Variants in TSPAN3 observed in about 807,000 individuals in gnomAD.
TSPAN3 encodes the protein tetraspanin 3.
A neutral mutation model predicts 31.1 loss-of-function variants in TSPAN3; 9 were observed. That is an observed-to-expected ratio of 0.29 (90% CI 0.17 to 0.50). The LOEUF (loss-of-function observed/expected upper bound fraction) is 0.50. Ranked by LOEUF, TSPAN3 falls within the 20% of genes least tolerant of loss-of-function variation. The probability of loss-of-function intolerance (pLI) is 0.98; values close to 1 mark genes in which losing one functional copy is unlikely to be tolerated. For synonymous variants in TSPAN3, 129 were observed against 114.3 expected (o/e 1.13, Z -0.82); for missense variants, 252 against 313.5 (o/e 0.80, Z 1.48).
At chr15:77,056,038 C>A in intron 2 of TSPAN3, 26 bp downstream of exon 2, 1 of 1,582,006 alleles carries the variant, frequency 6.3e-7, no homozygotes, top group Non-Finnish European at 8.6e-7. Context: ...CTAAATACTC[C>A]TGCATGTTCT....
Position 77,046,043 on chromosome 15 carries a change from G to C in TSPAN3, c.*792C>G, listed in dbSNP as rs1351361588. The C allele has an allele frequency of 1.1e-5, 2 of 179,344 alleles. No individual in the cohort carries two copies. Among genetic ancestry groups the C allele is most frequent in the Non-Finnish European group, 2.3e-5 (2 of 86,432 alleles). 11.1% of individuals were successfully genotyped at this position (179,344 alleles called of 1,614,324 possible). On this transcript the variant is annotated 3_prime_UTR_variant, in exon 7 of 7. Transcript: ENST00000267970. ...AAATAATATGTTGGGGGCTGATACAGAGTTTATTGAATTAGATTTTTCTAT... is the reference window on the plus strand; with the variant it reads ...AAATAATATGTTGGGGGCTGATACACAGTTTATTGAATTAGATTTTTCTAT...
chr15:77,065,104 C>T (rs1449823179), intron 1 of TSPAN3, among the ~76,000 whole-genome samples: 1 of 152,216 alleles, frequency 6.6e-6, no homozygotes, highest in Non-Finnish European at 1.5e-5. Context: ...TCCCCCCAGT[C>T]TCCCAATCTC....
chr15:77,063,996 C>T (rs1231743792), intron 1 of TSPAN3: 1 of 152,166 alleles, frequency 6.6e-6, no homozygotes, highest in Non-Finnish European at 1.5e-5. Flanking sequence ...AGAGTTCATC[C>T]ACACTTGGGT....
chr15:77,071,033 C>T lies in TSPAN3; in HGVS notation c.-79G>A. 1 of 1,099,388 alleles carries T rather than the reference C, an allele frequency of 9.1e-7. No individual in the cohort carries two copies. The highest frequency in any genetic ancestry group is 1.2e-6 in the Non-Finnish European group (1 of 839,944). 68.1% of individuals were successfully genotyped at this position (1,099,388 alleles called of 1,614,324 possible). On this transcript the variant is annotated 5_prime_UTR_variant, in exon 1 of 7. Coordinates refer to ENST00000267970, the MANE Select transcript of TSPAN3 (RefSeq NM_005724.6). ...GAGAGCGGCAATGGCGGCGGCGCCT[C>T]CTCGCTAGGAACTGCACGGCCTGCG...
chr15:77,058,129 T>C (rs1276844760), intron 1 of TSPAN3, among the ~76,000 whole-genome samples: 2 of 152,188 alleles, frequency 1.3e-5, no homozygotes, highest in East Asian at 1.9e-4. Context: ...TTGGGCCTTA[T>C]CTTATCCCCC....
At chr15:77,050,112 C>A (rs540740682) in intron 6 of TSPAN3, among the ~76,000 whole-genome samples, 4 of 152,202 alleles carry the variant, frequency 2.6e-5, no homozygotes, top group Non-Finnish European at 5.9e-5. Context: ...AGTGTATAAG[C>A]ACAAAAGCTC....
At chr15:77,062,342 GT>G (rs1469100964) in intron 1 of TSPAN3, among the ~76,000 whole-genome samples, 1 of 152,096 alleles carries the variant, frequency 6.6e-6, no homozygotes, top group Non-Finnish European at 1.5e-5. Context: ...TGATAGAACA[GT>G]TTACGTCACT....
chr15:77,061,388 G>A (rs1398933086), intron 1 of TSPAN3, among the ~76,000 whole-genome samples: 4 of 152,218 alleles, frequency 2.6e-5, no homozygotes, highest in South Asian at 2.1e-4. Flanking sequence ...TTAGCCGGGC[G>A]TGGTGGCACA....
rs537553735 is a variant in TSPAN3, at chr15:77,045,877, G to A, written c.*958C>T. On this transcript the variant is annotated 3_prime_UTR_variant, in exon 7 of 7. Transcript: ENST00000267970. ...GATATACTGGACTGAAAGCATCTGTGGTTTTTTGAATATCAAGCCCTTTAG... is the reference window on the plus strand; with the variant it reads ...GATATACTGGACTGAAAGCATCTGTAGTTTTTTGAATATCAAGCCCTTTAG... 1.6e-4 allele frequency: 24 copies of A among 152,258 alleles called. No individual in the cohort carries two copies. Among genetic ancestry groups the A allele is most frequent in the African/African-American group, 4.6e-4 (19 of 41,538 alleles). 9.4% of individuals were successfully genotyped at this position (152,258 alleles called of 1,614,324 possible). A position where few individuals can be genotyped will look rare whatever the true frequency, so the allele number is the denominator to read the frequency against.
chr15:77,059,494 A>G (rs1407955627), intron 1 of TSPAN3, among the ~76,000 whole-genome samples: 1 of 152,248 alleles, frequency 6.6e-6, no homozygotes, highest in Non-Finnish European at 1.5e-5. Context: ...ATATTCACAC[A>G]CATGTACACA....
At chr15:77,053,056 G>T in intron 4 of TSPAN3, 127 bp from the exon 5 acceptor site, 1 of 943,376 alleles carries the variant, frequency 1.1e-6, no homozygotes, top group Non-Finnish European at 1.5e-6. Context: ...ATAATGGAAA[G>T]TCTGCATGAT....
At chr15:77,067,661 T>C (rs569990056) in intron 1 of TSPAN3, 2 of 152,318 alleles carry the variant, frequency 1.3e-5, no homozygotes, top group African/African-American at 4.8e-5. Context: ...GGCCAGCATA[T>C]AAGAATACAT....
At chr15:77,063,014 A>G (rs2076809422) in intron 1 of TSPAN3, among the ~76,000 whole-genome samples, 2 of 152,344 alleles carry the variant, frequency 1.3e-5, no homozygotes, top group East Asian at 1.9e-4. Flanking sequence ...TTTAAAATAT[A>G]TTACTTGCAT....
At position 77,071,064 on chromosome 15, in the gene TSPAN3, C is replaced by G. The variant is rs1339980758; in HGVS notation, c.-110G>C. 4.1e-6 allele frequency: 3 copies of G among 725,180 alleles called. No individual in the cohort carries two copies. Among genetic ancestry groups the G allele is most frequent in the African/African-American group, 3.8e-5 (2 of 52,732 alleles). The allele number at this position is 725,180 out of a possible 1,614,324, so 44.9% of individuals were successfully genotyped here. A position where few individuals can be genotyped will look rare whatever the true frequency, so the allele number is the denominator to read the frequency against. ...TAGGAACTGCACGGCCTGCGCGGCG[C>G]TCCCCGCAGCCCCTGCGCCGTCGCG... On this transcript the variant is annotated 5_prime_UTR_variant, in exon 1 of 7. Coordinates refer to ENST00000267970, the MANE Select transcript of TSPAN3 (RefSeq NM_005724.6).
chr15:77,067,947 C>G (rs1192508133), intron 1 of TSPAN3: 1 of 152,142 alleles, frequency 6.6e-6, no homozygotes, highest in Non-Finnish European at 1.5e-5. Flanking sequence ...CTGTATCACA[C>G]CTTGGGTGTG....
At chr15:77,053,372 C>T (rs991198597) in intron 4 of TSPAN3, among the ~76,000 whole-genome samples, 11 of 141,320 alleles carry the variant, frequency 7.8e-5, no homozygotes, top group African/African-American at 1.9e-4. Flanking sequence ...CACTTGAACC[C>T]GGGAGGTGGA....
rs895808880 is a variant in TSPAN3 at position 77,070,589 on chromosome 15, G to T, written c.63+303C>A. On this transcript the variant is annotated intron_variant, in intron 1 of 6. Transcript: ENST00000267970. ...CCGTCCAGCCGGCGACTCCGGGGGG[G>T]GGAGACTGGGGCGCCTGGCACGGAG... Among the ~76,000 whole-genome samples the T allele has an allele frequency of 7.9e-5, 12 of 152,130 alleles. No individual in the cohort carries two copies. In the East Asian group the frequency reaches 1.2e-3, roughly 15 times the overall value.
intron 6 of TSPAN3, among the ~76,000 whole-genome samples, chr15:77,051,728 C>T (rs1266676872): frequency 5.3e-5 from 8 of 151,708 alleles, no homozygotes; most frequent in African/African-American, 1.7e-4. Flanking sequence ...TGTGGTGGCC[C>T]GTGCTTGTAG....
At chr15:77,062,977 G>T (rs1442963302) in intron 1 of TSPAN3, among the ~76,000 whole-genome samples, 1 of 152,138 alleles carries the variant, frequency 6.6e-6, no homozygotes, top group Non-Finnish European at 1.5e-5. Context: ...ATACCAGTTT[G>T]CTTTTTAAAA....
Sources: gnomAD v4.1 joint callset for allele counts (sites outside exome capture counted in the v4.1 genomes callset) on GRCh38, gnomAD v4.1.1 for gene constraint, MANE v1.5 for transcripts, NCBI Gene and HGNC (gene_info 2026-07-23, HGNC 2026-07-21) for gene names.